The following RBFOX1 variants were observed in gnomAD, a reference collection of about 807,000 sequenced individuals.
The protein encoded by RBFOX1 is RNA binding protein fox-1 homolog 1.
Under a neutral mutation model 57.7 loss-of-function variants are expected in RBFOX1, and 8 were observed. The observed-to-expected ratio is 0.14, with a 90% CI of 0.08 to 0.25. RBFOX1 has a LOEUF of 0.25. Among genes scored for constraint, RBFOX1 ranks in the 10% least tolerant of loss-of-function variants. The pLI is 1.00. For synonymous variants in RBFOX1, 326 were observed against 222.4 expected (o/e 1.47, Z -4.15); for missense variants, 611 against 548.5 (o/e 1.11, Z -1.14).
intron 2 of RBFOX1, among the ~76,000 whole-genome samples, chr16:5,561,989 C>T (rs1055939204): frequency 1.3e-5 from 2 of 152,136 alleles, no homozygotes; most frequent in African/African-American, 2.4e-5. Flanking sequence ...ATTCGCTCAT[C>T]CAATATGGTG....
chr16:5,486,677 A>G (rs1389566259), intron 2 of RBFOX1, among the ~76,000 whole-genome samples: 2 of 152,140 alleles, frequency 1.3e-5, no homozygotes, highest in Admixed American at 6.5e-5. Flanking sequence ...TGCCCTGTCT[A>G]TGTAGGAATG....
intron 1 of RBFOX1, among the ~76,000 whole-genome samples, chr16:6,247,785 A>C (rs1421340038): frequency 6.6e-6 from 1 of 152,214 alleles, no homozygotes; most frequent in Non-Finnish European, 1.5e-5. Context: ...AGAGAGAGTG[A>C]GTGCGTGCGA....
chr16:5,659,811 T>C (rs2049587073), intron 3 of RBFOX1, among the ~76,000 whole-genome samples: 1 of 152,168 alleles, frequency 6.6e-6, no homozygotes, highest in Admixed American at 6.5e-5. Context: ...TTGTCATCAG[T>C]CAAATCATTG....
At chr16:7,291,725 C>T (rs967287878) in intron 4 of RBFOX1, among the ~76,000 whole-genome samples, 1 of 151,764 alleles carries the variant, frequency 6.6e-6, no homozygotes, top group African/African-American at 2.4e-5. Flanking sequence ...ATGATGATTC[C>T]TGAGATGCAG....
chr16:5,894,329 C>G (rs925448486), intron 4 of RBFOX1, among the ~76,000 whole-genome samples: 6 of 152,196 alleles, frequency 3.9e-5, no homozygotes, highest in Non-Finnish European at 7.3e-5. Flanking sequence ...GTTGCCCAGG[C>G]TGGAGTGCAG....
At chr16:6,162,088 C>G (rs1041257005) in intron 1 of RBFOX1, among the ~76,000 whole-genome samples, 26 of 152,170 alleles carry the variant, frequency 1.7e-4, no homozygotes, top group African/African-American at 6.3e-4. Flanking sequence ...TCACACAATG[C>G]AGATTTCCAA....
chr16:6,263,429 GA>G (rs1166073225), intron 1 of RBFOX1, among the ~76,000 whole-genome samples: 1 of 152,066 alleles, frequency 6.6e-6, no homozygotes, highest in Non-Finnish European at 1.5e-5. Context: ...TTGGTTGGGG[GA>G]AAAAAGTAAA....
chr16:7,392,993 C>T (rs1478360020), intron 4 of RBFOX1, among the ~76,000 whole-genome samples: 1 of 152,162 alleles, frequency 6.6e-6, no homozygotes, highest in Admixed American at 6.5e-5. Flanking sequence ...CCTGCTTCAG[C>T]CTCCCGTATA....
chr16:6,136,324 TC>T (rs2096667124), intron 1 of RBFOX1, among the ~76,000 whole-genome samples: 1 of 151,944 alleles, frequency 6.6e-6, no homozygotes, highest in South Asian at 2.1e-4. Context: ...GATACAACCT[TC>T]CCCCAAGGCA....
chr16:5,504,124 T>C (rs1488671820), intron 2 of RBFOX1, among the ~76,000 whole-genome samples: 1 of 152,204 alleles, frequency 6.6e-6, no homozygotes, highest in Non-Finnish European at 1.5e-5. Flanking sequence ...ACCAGCCTCA[T>C]TGCTCACAGC....
At chr16:5,511,868 G>A (rs1463275035) in intron 2 of RBFOX1, among the ~76,000 whole-genome samples, 1 of 152,192 alleles carries the variant, frequency 6.6e-6, no homozygotes, top group Non-Finnish European at 1.5e-5. Context: ...CCCCAGCAGA[G>A]TTGAGTACAT....
chr16:6,775,127 C>T, intron 3 of RBFOX1, among the ~76,000 whole-genome samples: 1 of 147,994 alleles, frequency 6.8e-6, no homozygotes, highest in East Asian at 2.0e-4. Flanking sequence ...AGATCCAGAC[C>T]ATCCTGGCGA....
At chr16:5,651,428 C>G (rs1555493060) in intron 3 of RBFOX1, among the ~76,000 whole-genome samples, 2 of 152,114 alleles carry the variant, frequency 1.3e-5, no homozygotes, top group South Asian at 2.1e-4. Context: ...GCGAGTGTCT[C>G]TGCTGCCACC....
At chr16:7,152,783 G>T (rs1048615459) in intron 4 of RBFOX1, among the ~76,000 whole-genome samples, 3 of 152,188 alleles carry the variant, frequency 2.0e-5, no homozygotes, top group Admixed American at 2.0e-4. Context: ...GATATTTTAT[G>T]TCTAAGCATG....
At chr16:6,982,074 T>C (rs146152400) in intron 3 of RBFOX1, among the ~76,000 whole-genome samples, 32 of 152,328 alleles carry the variant, frequency 2.1e-4, no homozygotes, top group African/African-American at 7.5e-4. Context: ...GATATACTCA[T>C]GTTGGTTTAT....
chr16:6,727,812 C>T (rs1310302028), intron 3 of RBFOX1, among the ~76,000 whole-genome samples: 1 of 152,076 alleles, frequency 6.6e-6, no homozygotes, highest in Non-Finnish European at 1.5e-5. Flanking sequence ...TAATGTTTTC[C>T]AGGACATTTG....
chr16:6,378,174 C>G (rs1023595186), intron 2 of RBFOX1, among the ~76,000 whole-genome samples: 3 of 152,252 alleles, frequency 2.0e-5, no homozygotes, highest in Admixed American at 1.3e-4. Context: ...GGGAGGAAGG[C>G]TGCCAGCAGC....
chr16:6,694,199 C>G (rs571039979), intron 3 of RBFOX1, among the ~76,000 whole-genome samples: 2 of 152,296 alleles, frequency 1.3e-5, no homozygotes, highest in Admixed American at 6.5e-5. Context: ...TTTAGGGCAA[C>G]TTCTATTGCA....
At chr16:5,731,568 C>G (rs1334978133) in intron 3 of RBFOX1, among the ~76,000 whole-genome samples, 2 of 152,118 alleles carry the variant, frequency 1.3e-5, no homozygotes, top group Non-Finnish European at 2.9e-5. Context: ...GGCTCTCTTG[C>G]TTCTGAGATT....
Sources: gnomAD v4.1 joint callset for allele counts (sites outside exome capture counted in the v4.1 genomes callset) on GRCh38, gnomAD v4.1.1 for gene constraint, MANE v1.5 for transcripts, NCBI Gene and HGNC (gene_info 2026-07-23, HGNC 2026-07-21) for gene names.